TRIM14: variants seen among roughly 807,000 people sequenced by gnomAD.
The protein encoded by TRIM14 is tripartite motif-containing protein 14.
A neutral mutation model predicts 44.5 loss-of-function variants in TRIM14; 28 were observed. That is an observed-to-expected ratio of 0.63 (90% CI 0.47 to 0.86). The LOEUF (loss-of-function observed/expected upper bound fraction) is 0.86, where lower values mean the gene tolerates loss of function less well. Among genes scored for constraint, TRIM14 ranks in the 40% least tolerant of loss-of-function variants. The pLI is 0.00. For synonymous variants in TRIM14, 299 were observed against 269.2 expected (o/e 1.11, Z -1.08); for missense variants, 607 against 611.1 (o/e 0.99, Z 0.07).
downstream of TRIM14, chr9:98,081,082 GGT>G: frequency 3.1e-6 from 5 of 1,614,102 alleles, no homozygotes; most frequent in Non-Finnish European, 3.4e-6. Flanking sequence ...GCAATGAGAA[GGT>G]GTGTCCTGCC....
At chr9:98,093,964 T>G (rs1826090769) in intron 4 of TRIM14, among the ~76,000 whole-genome samples, 1 of 152,150 alleles carries the variant, frequency 6.6e-6, no homozygotes, top group African/African-American at 2.4e-5. Context: ...CAGGCTGGTC[T>G]CAAACTCCTG....
chr9:98,060,947 A>C, the TRIM14 span: 1 of 1,614,174 alleles, frequency 6.2e-7, no homozygotes, highest in African/African-American at 1.3e-5. Flanking sequence ...GGAGCTGCAG[A>C]GGTACGCCGA....
At position 98,099,943 on chromosome 9, in the gene TRIM14, G is replaced by C. The variant is rs768170060; in HGVS notation, c.525C>G (p.Val175=). 1 of 1,613,090 alleles carries C rather than the reference G, an allele frequency of 6.2e-7. No individual in the cohort carries two copies. Among genetic ancestry groups the C allele is most frequent in the Non-Finnish European group, 8.5e-7 (1 of 1,179,942 alleles). Residue 175 remains valine, a synonymous_variant, in exon 3 of 6, where the codon GTC becomes GTG. Coordinates refer to ENST00000341469, the MANE Select transcript of TRIM14 (RefSeq NM_014788.4). The part of the protein sequence containing the change: ...VWSISQEPDP[V]QRLQAYTATE... ...ACCCCAGCATTACCTGAAGCCTCTG[G>C]ACAGGATCGGGCTCCTGGCTGATAC...
At chr9:98,078,011 T>C in intron 6 of TRIM14, 3 of 787,592 alleles carry the variant, frequency 3.8e-6, no homozygotes, top group Non-Finnish European at 3.9e-6. Context: ...AGCCCACCTT[T>C]CCTGTGGCCG....
At chr9:98,059,020 G>T in the TRIM14 span, among the ~76,000 whole-genome samples, 3 of 151,430 alleles carry the variant, frequency 2.0e-5, no homozygotes, top group Admixed American at 6.6e-5. Context: ...CTGGACCCAA[G>T]AAGTTTTTAT....
At chr9:98,105,572 C>CT (rs1453891011) in intron 2 of TRIM14, among the ~76,000 whole-genome samples, 1 of 152,172 alleles carries the variant, frequency 6.6e-6, no homozygotes, top group East Asian at 1.9e-4. Flanking sequence ...GATCGAGACT[C>CT]TGTCTCAAAA....
At chr9:98,050,357 C>T in the TRIM14 span, among the ~76,000 whole-genome samples, 1 of 152,140 alleles carries the variant, frequency 6.6e-6, no homozygotes, top group African/African-American at 2.4e-5. Flanking sequence ...CATAAATATA[C>T]TTATTTGGTC....
chr9:98,075,062 G>A (rs1225861747), intron 6 of TRIM14: 2 of 152,030 alleles, frequency 1.3e-5, no homozygotes, highest in Admixed American at 6.6e-5. Context: ...CCCCAGCACT[G>A]TGGGAGGCCA....
rs1825745239 is a variant in TRIM14, at chr9:98,085,591, C to G, written c.*1879G>C. On this transcript the variant is annotated 3_prime_UTR_variant, in exon 6 of 6. Coordinates refer to ENST00000341469, the MANE Select transcript of TRIM14 (RefSeq NM_014788.4). Reference sequence around the variant, plus strand: ...TTCATCTTCCCTCTGTCAGGAACACCCTCTGCCTGTCACAATTCAGTTTGG... The same window carrying G: ...TTCATCTTCCCTCTGTCAGGAACACGCTCTGCCTGTCACAATTCAGTTTGG... 1 of 152,096 alleles carries G rather than the reference C, an allele frequency of 6.6e-6. No individual in the cohort carries two copies. The highest frequency in any genetic ancestry group is 1.5e-5 in the Non-Finnish European group (1 of 68,030). The allele number at this position is 152,096 out of a possible 1,614,324, so 9.4% of individuals were successfully genotyped here.
the TRIM14 span, chr9:98,056,991 G>GC: frequency 4.7e-6 from 7 of 1,501,556 alleles, no homozygotes; most frequent in Non-Finnish European, 5.3e-6. Flanking sequence ...GAGGGGCGGG[G>GC]CGGGGCCGCG....
At chr9:98,071,335 G>A (rs982102697) in intron 6 of TRIM14, among the ~76,000 whole-genome samples, 1 of 152,248 alleles carries the variant, frequency 6.6e-6, no homozygotes, top group African/African-American at 2.4e-5. Context: ...ATATGGCCCA[G>A]TGGCCAAGTG....
chr9:98,076,914 G>A, intron 6 of TRIM14: 1 of 1,607,302 alleles, frequency 6.2e-7, no homozygotes. Context: ...TTTGATTTTT[G>A]TAGATGGCAG....
chr9:98,112,410 A>G (rs1286690549), intron 1 of TRIM14, among the ~76,000 whole-genome samples: 2 of 152,212 alleles, frequency 1.3e-5, no homozygotes, highest in African/African-American at 4.8e-5. Context: ...ATAAAAAGGA[A>G]GTATAGGACA....
intron 6 of TRIM14, among the ~76,000 whole-genome samples, chr9:98,079,200 G>A (rs765443305): frequency 1.3e-5 from 2 of 152,184 alleles, no homozygotes; most frequent in Non-Finnish European, 2.9e-5. Flanking sequence ...TAGAACCTGG[G>A]CATGTCCCCC....
chr9:98,057,951 G>T, the TRIM14 span, among the ~76,000 whole-genome samples: 1 of 126,984 alleles, frequency 7.9e-6, no homozygotes, highest in Non-Finnish European at 1.6e-5. Context: ...TTGAGACAGG[G>T]TCTCTGTATC....
chr9:98,071,818 G>A (rs1829348054), intron 6 of TRIM14, among the ~76,000 whole-genome samples: 1 of 152,208 alleles, frequency 6.6e-6, no homozygotes, highest in Admixed American at 6.5e-5. Context: ...GGACTTTTCT[G>A]CTTCCGTCCA....
Position 98,095,074 on chromosome 9 carries a change from C to T in TRIM14, c.538-45G>A. 6.3e-7 allele frequency: 1 copy of T among 1,581,178 alleles called. No individual in the cohort carries two copies. The highest frequency in any genetic ancestry group is 8.6e-7 in the Non-Finnish European group (1 of 1,166,976). Reference sequence around the variant, plus strand: ...TGAGGGTGGCTCTGGGAGATGCAGGCAGCATCCCAGCCTCCTGTGCTGCAC... The same window carrying T: ...TGAGGGTGGCTCTGGGAGATGCAGGTAGCATCCCAGCCTCCTGTGCTGCAC... On this transcript the variant is annotated intron_variant, in intron 3 of 5. Coordinates refer to ENST00000341469, the MANE Select transcript of TRIM14 (RefSeq NM_014788.4). This position sits in a 1 kb window ranked among gnomAD's most constrained non-coding sequence, Gnocchi z 4.1.
chr9:98,061,024 G>A, the TRIM14 span: 4 of 1,610,014 alleles, frequency 2.5e-6, no homozygotes, highest in Non-Finnish European at 3.4e-6. Context: ...TCTGTCATTT[G>A]TCACTTTAGC....
chr9:98,118,316 G>A (rs1260860030), intron 1 of TRIM14, among the ~76,000 whole-genome samples: 1 of 152,180 alleles, frequency 6.6e-6, no homozygotes, highest in Non-Finnish European at 1.5e-5. Context: ...GGCCCTGTTG[G>A]GGGCATCTGG....
Sources: allele counts gnomAD v4.1 joint callset (sites outside exome capture counted in the v4.1 genomes callset), GRCh38; gene constraint gnomAD v4.1.1; non-coding constraint Gnocchi (gnomAD v3.1); transcripts MANE v1.5; gene names NCBI Gene and HGNC (gene_info 2026-07-23, HGNC 2026-07-21).